MINPP1: variants seen among roughly 807,000 people sequenced by gnomAD.
MINPP1 encodes the protein multiple inositol-polyphosphate phosphatase 1.
In MINPP1, 28 loss-of-function variants were observed where a neutral mutation model predicts 46.1. The observed-to-expected ratio is 0.61, with a 90% CI of 0.45 to 0.83. MINPP1 has a LOEUF of 0.83. Among genes scored for constraint, MINPP1 ranks in the 40% least tolerant of loss-of-function variants. MINPP1 has a pLI of 0.00. For missense variants in MINPP1, 603 were observed against 610.0 expected (o/e 0.99, Z 0.12); for synonymous variants, 268 against 249.1 (o/e 1.08, Z -0.72).
rs141510967 is a variant in MINPP1 at position 87,552,401 on chromosome 10, A to G, written c.1387A>G (p.Lys463Glu). The G allele has an allele frequency of 1.3e-4, 214 of 1,613,490 alleles. 2 individuals carry two copies. In the African/African-American group the frequency reaches 1.5e-3, roughly 12 times the overall value. Reference protein sequence around the residue: ...SFYEDLKNHYKDILQSCQTSE... With the variant: ...SFYEDLKNHYEDILQSCQTSE... ...TTATGAAGATCTGAAGAACCACTAC[A>G]AGGACATCCTTCAGAGTTGTCAAAC... The change falls in exon 5 of 5, where the codon AAG becomes GAG. Residue 463 changes from lysine (K) to glutamate (E), a missense_variant. Physicochemically the swap from Lys to Glu is moderately conservative, Grantham distance 56 (BLOSUM62 1). Coordinates refer to ENST00000371996, the MANE Select transcript of MINPP1 (RefSeq NM_004897.5).
chr10:87,523,168 G>A (rs1455954681), intron 4 of MINPP1, among the ~76,000 whole-genome samples: 1 of 152,102 alleles, frequency 6.6e-6, no homozygotes, highest in Non-Finnish European at 1.5e-5. Flanking sequence ...TCCTGGTAAT[G>A]TTGATATTTT....
chr10:87,524,800 T>A (rs1268644296), intron 4 of MINPP1, among the ~76,000 whole-genome samples: 1 of 152,054 alleles, frequency 6.6e-6, no homozygotes, highest in Non-Finnish European at 1.5e-5. Flanking sequence ...TATACAACAT[T>A]TATCAGTTAA....
At chr10:87,509,107 A>G (rs893134949) in intron 2 of MINPP1, among the ~76,000 whole-genome samples, 3 of 152,234 alleles carry the variant, frequency 2.0e-5, no homozygotes, top group Non-Finnish European at 2.9e-5. Flanking sequence ...AGGGAACACT[A>G]TTAATAATTT....
In MINPP1 at chr10:87,504,948, C is replaced by G. The variant is rs1381485159; in HGVS notation, c.33C>G (p.Thr11=). The change falls in exon 1 of 5, where the codon ACC becomes ACG. Residue 11 remains threonine (T), a synonymous_variant. Transcript: ENST00000371996. The part of the protein sequence containing the change: MLRAPGCLLR[T]SVAPAAALAA... Reference sequence around the variant, plus strand: ...GCGCGCCCGGCTGCCTCCTCCGGACCTCCGTAGCGCCTGCCGCGGCCCTGG... The same window carrying G: ...GCGCGCCCGGCTGCCTCCTCCGGACGTCCGTAGCGCCTGCCGCGGCCCTGG... The G allele has an allele frequency of 6.8e-6, 11 of 1,611,544 alleles. No homozygotes were observed. The highest frequency in any genetic ancestry group is 9.3e-6 in the Non-Finnish European group (11 of 1,179,434).
intron 4 of MINPP1, among the ~76,000 whole-genome samples, chr10:87,526,749 C>T (rs1214561878): frequency 1.3e-5 from 2 of 152,184 alleles, no homozygotes; most frequent in East Asian, 3.8e-4. Context: ...GATCCAGTTT[C>T]AGCTTTCTAC....
chr10:87,552,622 TCTGG>T lies in MINPP1; in HGVS notation c.*145_*148del. 1.2e-6 allele frequency: 1 copy of T among 842,510 alleles called. No homozygotes were observed. The highest frequency in any genetic ancestry group is 1.9e-6 in the Non-Finnish European group (1 of 540,304). 52.2% of individuals were successfully genotyped at this position (842,510 alleles called of 1,614,324 possible). On this transcript the variant is annotated 3_prime_UTR_variant, in exon 5 of 5. Transcript: ENST00000371996. ...TTCACAGAAAAACATTGGGTTTCTC[TCTGG>T]GTTTGGACATGAAATGTAAGAAAAG...
At position 87,505,121 on chromosome 10, in the gene MINPP1, G is replaced by A. The variant is rs771325586; in HGVS notation, c.206G>A (p.Arg69Gln). ...VLLSGPEAPWRDPELLEGTCT... is the reference protein window; with the variant it reads ...VLLSGPEAPWQDPELLEGTCT... ...TTGTCGGGCCCCGAGGCTCCGTGGC[G>A]GGACCCTGAGCTGCTGGAGGGGACC... is the stretch of plus-strand genomic sequence containing the variant. The change falls in exon 1 of 5, where the codon CGG becomes CAG. Residue 69 changes from arginine to glutamine, a missense_variant. Arg to Gln is a conservative substitution (Grantham distance 43, BLOSUM62 1). This residue lies in a region of MINPP1 where 239 missense variants were observed against 189.4 expected (regional missense o/e 1.26). Coordinates refer to ENST00000371996, the MANE Select transcript of MINPP1 (RefSeq NM_004897.5). The surrounding 1 kb of genome is among the most constrained non-coding windows in gnomAD (Gnocchi z 4.4). The A allele has an allele frequency of 5.1e-5, 83 of 1,612,574 alleles. No homozygotes were observed. Among genetic ancestry groups the A allele is most frequent in the African/African-American group, 1.7e-4 (13 of 74,924 alleles).
At chr10:87,537,525 G>C (rs1040942201) in intron 4 of MINPP1, among the ~76,000 whole-genome samples, 91 of 151,248 alleles carry the variant, frequency 6.0e-4, no homozygotes, top group African/African-American at 2.1e-3. Flanking sequence ...GTGTGTGTGT[G>C]TGTGTGTGTG....
chr10:87,508,874 A>T (rs573033445), intron 2 of MINPP1, among the ~76,000 whole-genome samples: 1 of 147,838 alleles, frequency 6.8e-6, no homozygotes, highest in South Asian at 2.1e-4. Context: ...TACAAATGGA[A>T]AAATCATATA....
chr10:87,505,464 C>T lies in MINPP1; in HGVS notation c.549C>T (p.Ser183=), dbSNP rs1851230073. ...NYGRLRLITS[S]KHRCMDSSAA... ...GCCGCCTGCGGCTCATCACCAGTTCCAAGCACCGCTGCATGGATAGCAGCG... is the reference window on the plus strand; with the variant it reads ...GCCGCCTGCGGCTCATCACCAGTTCTAAGCACCGCTGCATGGATAGCAGCG... The change falls in exon 1 of 5, where the codon TCC becomes TCT. Residue 183 remains serine (S), a synonymous_variant. Transcript: ENST00000371996. This position sits in a 1 kb window ranked among gnomAD's most constrained non-coding sequence, Gnocchi z 4.4. 4 of 1,613,182 alleles carry T rather than the reference C, an allele frequency of 2.5e-6. No homozygotes were observed. The highest frequency in any genetic ancestry group is 3.4e-6 in the Non-Finnish European group (4 of 1,179,560).
chr10:87,544,703 T>A (rs1287236752), intron 4 of MINPP1, among the ~76,000 whole-genome samples: 1 of 152,140 alleles, frequency 6.6e-6, no homozygotes, highest in African/African-American at 2.4e-5. Flanking sequence ...GAAGCCTCTC[T>A]CCTTTCTTAC....
chr10:87,532,474 C>T (rs1286435096), intron 4 of MINPP1, among the ~76,000 whole-genome samples: 2 of 152,218 alleles, frequency 1.3e-5, no homozygotes, highest in African/African-American at 4.8e-5. Context: ...GACAGGAAAT[C>T]GTTTTGGCCA....
In MINPP1 at chr10:87,516,129, A is replaced by G. The variant is rs1211903230; in HGVS notation, c.933+2908A>G. On this transcript the variant is annotated intron_variant, in intron 3 of 4. Transcript: ENST00000371996. ...CAGGTGTGAGCCACCGCACCTGGCC[A>G]AGAATGTTTTTTACAATTAAAAATT... Among the ~76,000 whole-genome samples, 2 of 103,700 alleles carry G rather than the reference A, an allele frequency of 1.9e-5. 1 individual carries two copies. Among genetic ancestry groups the G allele is most frequent in the Non-Finnish European group, 5.0e-5 (2 of 39,742 alleles). The allele number at this position is 103,700 out of a possible 152,430, so 68.0% of individuals were successfully genotyped here.
chr10:87,508,626 A>G (rs2131799417), intron 2 of MINPP1, 93 bp downstream of exon 2: 1 of 1,240,204 alleles, frequency 8.1e-7, no homozygotes, highest in East Asian at 2.4e-5. Flanking sequence ...TTTTTTAAAG[A>G]CCCATAATTG....
At chr10:87,524,834 G>A (rs562750854) in intron 4 of MINPP1, among the ~76,000 whole-genome samples, 1 of 152,096 alleles carries the variant, frequency 6.6e-6, no homozygotes, top group Admixed American at 6.6e-5. Flanking sequence ...TATGGGTGGG[G>A]TTCATGGCAC....
chr10:87,516,488 C>T lies in MINPP1; in HGVS notation c.933+3267C>T, dbSNP rs1248825060. ...CAATGGATTTATCCAGACATAGCCT[C>T]GTTGTAAGTCAAGGAGCGCACTGAA... On this transcript the variant is annotated intron_variant, in intron 3 of 4. Coordinates refer to ENST00000371996, the MANE Select transcript of MINPP1 (RefSeq NM_004897.5). 1.9e-5 allele frequency among the ~76,000 whole-genome samples: 2 copies of T among 104,706 alleles called. 1 individual carries two copies. The highest frequency in any genetic ancestry group is 5.0e-5 in the Non-Finnish European group (2 of 40,010). 68.7% of individuals were successfully genotyped at this position (104,706 alleles called of 152,430 possible).
intron 2 of MINPP1, among the ~76,000 whole-genome samples, chr10:87,511,516 T>C (rs1851334594): frequency 6.6e-6 from 1 of 152,226 alleles, no homozygotes; most frequent in Non-Finnish European, 1.5e-5. Flanking sequence ...TTCTGAAAGA[T>C]TGACCACGAA....
At chr10:87,526,835 T>G (rs1589377541) in intron 4 of MINPP1, among the ~76,000 whole-genome samples, 1 of 152,228 alleles carries the variant, frequency 6.6e-6, no homozygotes, top group Non-Finnish European at 1.5e-5. Flanking sequence ...TTGTCAGATT[T>G]GTCAAAGATC....
chr10:87,535,562 A>G (rs2131830806), intron 4 of MINPP1, among the ~76,000 whole-genome samples: 1 of 151,762 alleles, frequency 6.6e-6, no homozygotes, highest in South Asian at 2.1e-4. Flanking sequence ...CAGTGTTGGG[A>G]AATAAGCTGT....
Sources: gnomAD v4.1 joint callset for allele counts (sites outside exome capture counted in the v4.1 genomes callset) on GRCh38, gnomAD v4.1.1 for gene constraint, gnomAD v4.1.1 regional missense constraint, Gnocchi (gnomAD v3.1) non-coding constraint, MANE v1.5 for transcripts, NCBI Gene and HGNC (gene_info 2026-07-23, HGNC 2026-07-21) for gene names.